Variants in SGCZ observed in about 807,000 individuals in gnomAD.
SGCZ encodes sarcoglycan zeta.
A neutral mutation model predicts 41.3 loss-of-function variants in SGCZ; 40 were observed. That is an observed-to-expected ratio of 0.97 (90% CI 0.75 to 1.26). The LOEUF (loss-of-function observed/expected upper bound fraction) is 1.26, where lower values mean the gene tolerates loss of function less well. Ranked by LOEUF, SGCZ falls within the 50% of genes most tolerant of loss-of-function variation. SGCZ has a pLI of 0.00. For synonymous variants in SGCZ, 206 were observed against 137.5 expected, an observed-to-expected ratio of 1.50 and a Z score of -3.49; for missense variants, 552 against 369.8, an observed-to-expected ratio of 1.49 and a Z score of -4.04.
At chr8:14,297,827 C>G (rs1002324705) in intron 3 of SGCZ, among the ~76,000 whole-genome samples, 1 of 151,796 alleles carries the variant, frequency 6.6e-6, no homozygotes, top group Non-Finnish European at 1.5e-5. Flanking sequence ...TGTTGGGAAA[C>G]TATTTCAAAC....
intron 2 of SGCZ, among the ~76,000 whole-genome samples, chr8:14,495,223 T>C (rs1379521664): frequency 6.6e-6 from 1 of 152,222 alleles, no homozygotes; most frequent in East Asian, 1.9e-4. Flanking sequence ...TGCCTATCAG[T>C]ACTCCCTGAA....
intron 5 of SGCZ, among the ~76,000 whole-genome samples, chr8:14,158,594 T>A (rs945596136): frequency 2.0e-5 from 3 of 152,102 alleles, no homozygotes; most frequent in African/African-American, 7.2e-5. Flanking sequence ...AGTGGAGAAA[T>A]TCAAGCCATG....
intron 1 of SGCZ, among the ~76,000 whole-genome samples, chr8:15,180,150 G>C (rs1018709342): frequency 2.0e-5 from 3 of 152,046 alleles, no homozygotes; most frequent in Non-Finnish European, 4.4e-5. Context: ...TGATAACAAG[G>C]AAAAACTATC....
chr8:14,261,205 C>T (rs1799655365), intron 3 of SGCZ, among the ~76,000 whole-genome samples: 1 of 152,180 alleles, frequency 6.6e-6, no homozygotes, highest in Non-Finnish European at 1.5e-5. Flanking sequence ...CTTTCCCTTG[C>T]CTCTTTTGCT....
intron 3 of SGCZ, among the ~76,000 whole-genome samples, chr8:14,274,537 G>C (rs1323407142): frequency 6.6e-6 from 1 of 152,092 alleles, no homozygotes; most frequent in Non-Finnish European, 1.5e-5. Flanking sequence ...TATTTTTCTA[G>C]TGCTATAAGG....
chr8:15,126,142 T>C (rs866541682), intron 1 of SGCZ, among the ~76,000 whole-genome samples: 4 of 152,116 alleles, frequency 2.6e-5, no homozygotes, highest in Non-Finnish European at 5.9e-5. Flanking sequence ...GGAGACGCCA[T>C]CTCAAAAAAG....
chr8:14,456,779 T>C (rs11779847), intron 2 of SGCZ, among the ~76,000 whole-genome samples: 19,884 of 152,192 alleles, frequency 0.13, 1,484 homozygotes, highest in African/African-American at 0.21. Context: ...GTAGGACCTG[T>C]TGGGAGGTGT....
intron 1 of SGCZ, among the ~76,000 whole-genome samples, chr8:15,000,901 C>T (rs1802394616): frequency 6.6e-6 from 1 of 152,190 alleles, no homozygotes; most frequent in Non-Finnish European, 1.5e-5. Flanking sequence ...ACCCCTTAAC[C>T]CACCCACATG....
chr8:14,952,447 G>A (rs1200530069), intron 1 of SGCZ, among the ~76,000 whole-genome samples: 3 of 152,144 alleles, frequency 2.0e-5, no homozygotes, highest in African/African-American at 7.2e-5. Flanking sequence ...TACTGGTAAT[G>A]CTGCAGTATT....
intron 1 of SGCZ, among the ~76,000 whole-genome samples, chr8:14,591,955 TC>T (rs1805255326): frequency 6.6e-6 from 1 of 152,140 alleles, no homozygotes; most frequent in Non-Finnish European, 1.5e-5. Context: ...TACACAATTT[TC>T]TTCCTATGAT....
chr8:14,581,021 G>T (rs1041361182), intron 1 of SGCZ, among the ~76,000 whole-genome samples: 1 of 152,170 alleles, frequency 6.6e-6, no homozygotes, highest in Admixed American at 6.5e-5. Flanking sequence ...ACTGATACAG[G>T]TATCCTGTGA....
At chr8:14,390,441 A>G (rs1438831739) in intron 2 of SGCZ, among the ~76,000 whole-genome samples, 1 of 151,956 alleles carries the variant, frequency 6.6e-6, no homozygotes, top group Non-Finnish European at 1.5e-5. Flanking sequence ...TTAGTAATTT[A>G]AAAATTAAAT....
rs7006521 is a variant in SGCZ at position 14,613,295 on chromosome 8, C to T, written c.40-58369G>A. Among the ~76,000 whole-genome samples the T allele has an allele frequency of 4.0e-3, 607 of 152,160 alleles. 4 individuals carry two copies. Among genetic ancestry groups the T allele is most frequent in the African/African-American group, 0.012 (495 of 41,522 alleles). ...AAATATATTTCATAACATAATGTCA[C>T]CTATTATTTTGATTTTATTGAACTG... On this transcript the variant is annotated intron_variant, in intron 1 of 7. Transcript: ENST00000382080.
At chr8:14,534,020 A>G (rs1803217870) in intron 2 of SGCZ, among the ~76,000 whole-genome samples, 1 of 151,852 alleles carries the variant, frequency 6.6e-6, no homozygotes, top group African/African-American at 2.4e-5. Flanking sequence ...TGCTCAACAA[A>G]GGGCAAAAAC....
rs370947291 is a variant in SGCZ at position 14,518,894 on chromosome 8, CAAAAAA to C, written c.234+35832_234+35837del. Among the ~76,000 whole-genome samples, 80 of 128,218 alleles carry C rather than the reference CAAAAAA, an allele frequency of 6.2e-4. No homozygotes were observed. In the East Asian group the frequency reaches 0.011, roughly 18 times the overall value. 84.1% of individuals were successfully genotyped at this position (128,218 alleles called of 152,430 possible). A position where few individuals can be genotyped will look rare whatever the true frequency, so the allele number is the denominator to read the frequency against. ...CAACATGGCGAAACCCCATCTCTACCAAAAAAAAAAAAAAAAATACAAAAATTAGCC... is the reference window on the plus strand; with the variant it reads ...CAACATGGCGAAACCCCATCTCTACCAAAAAAAAAAATACAAAAATTAGCC... On this transcript the variant is annotated intron_variant, in intron 2 of 7. Transcript: ENST00000382080.
chr8:14,351,463 T>C (rs1783609180), intron 2 of SGCZ, among the ~76,000 whole-genome samples: 1 of 152,010 alleles, frequency 6.6e-6, no homozygotes, highest in South Asian at 2.1e-4. Context: ...ATGATCAATT[T>C]TAAATGTTTA....
chr8:14,274,462 T>C (rs17295102), intron 3 of SGCZ, among the ~76,000 whole-genome samples: 32,008 of 152,174 alleles, frequency 0.21, 4,464 homozygotes, highest in Non-Finnish European at 0.31. Context: ...CAAATCCAAA[T>C]AGCACTTGAT....
chr8:15,126,642 G>A (rs529705481), intron 1 of SGCZ, among the ~76,000 whole-genome samples: 23 of 152,144 alleles, frequency 1.5e-4, no homozygotes, highest in African/African-American at 2.4e-4. Flanking sequence ...TGGGAAAGTC[G>A]GAGAAAATGC....
At chr8:14,427,600 T>G (rs1203789100) in intron 2 of SGCZ, among the ~76,000 whole-genome samples, 3 of 152,174 alleles carry the variant, frequency 2.0e-5, no homozygotes, top group Non-Finnish European at 1.5e-5. Context: ...CCTCCATCTT[T>G]TGAGGCTCAT....
Sources: allele counts gnomAD v4.1 joint callset (sites outside exome capture counted in the v4.1 genomes callset), GRCh38; gene constraint gnomAD v4.1.1; transcripts MANE v1.5; gene names NCBI Gene and HGNC (gene_info 2026-07-23, HGNC 2026-07-21).